QPRT: variants seen among roughly 807,000 people sequenced by gnomAD.
QPRT encodes nicotinate-nucleotide pyrophosphorylase [carboxylating].
A neutral mutation model predicts 19.8 loss-of-function variants in QPRT; 17 were observed. That is an observed-to-expected ratio of 0.86 (90% confidence interval 0.59 to 1.29). The LOEUF (loss-of-function observed/expected upper bound fraction) is 1.29. Ranked by LOEUF, QPRT falls within the 50% of genes most tolerant of loss-of-function variation. The pLI is 0.00. For missense variants in QPRT, 336 were observed against 405.1 expected (o/e 0.83, Z 1.46); for synonymous variants, 178 against 191.0 (o/e 0.93, Z 0.56).
chr16:29,689,101 A>T lies in QPRT; in HGVS notation c.14-5563A>T, dbSNP rs1358739009. 5.4e-5 allele frequency among the ~76,000 whole-genome samples: 8 copies of T among 149,504 alleles called. No individual in the cohort carries two copies. In the East Asian group the frequency reaches 1.6e-3, roughly 30 times the overall value. On this transcript the variant is annotated intron_variant, in intron 1 of 3. Coordinates refer to ENST00000395384, the MANE Select transcript of QPRT (RefSeq NM_014298.6). ...CAGCCTTTTGTTTGTTTTTAAATTT[A>T]ACTTTTTTTTTGAGACCGAATTGCA...
intron 1 of QPRT, 147 bp downstream of exon 1, chr16:29,679,357 T>C: frequency 1.7e-6 from 1 of 586,844 alleles, no homozygotes; most frequent in Non-Finnish European, 3.1e-6. Context: ...ACCTACCCCA[T>C]GTCCCTGCAG....
At chr16:29,689,986 G>A (rs1389998863) in intron 1 of QPRT, among the ~76,000 whole-genome samples, 1 of 152,068 alleles carries the variant, frequency 6.6e-6, no homozygotes, top group Non-Finnish European at 1.5e-5. Flanking sequence ...GTGTCTGAGG[G>A]GTTTTGTCCA....
rs140872647 is a variant in QPRT, at chr16:29,694,653, C to CT, written c.14-9dup. On this transcript the variant is annotated splice_polypyrimidine_tract_variant and intron_variant, in intron 1 of 3. Transcript: ENST00000395384. ...CAGCCAAACTCAACAGCTGTTCTCT[C>CT]TTCCCCCCAGGCCTGGCGCTGCTGC... 273,783 of 1,524,334 alleles carry CT rather than the reference C, an allele frequency of 0.18. 25,459 individuals carry two copies. The highest frequency in any genetic ancestry group is 0.19 in the South Asian group (14,764 of 76,644). 94.4% of individuals were successfully genotyped at this position (1,524,334 alleles called of 1,614,324 possible). A position where few individuals can be genotyped will look rare whatever the true frequency, so the allele number is the denominator to read the frequency against.
At chr16:29,679,959 CTTTT>C (rs1267778902) in intron 1 of QPRT, among the ~76,000 whole-genome samples, 4 of 134,466 alleles carry the variant, frequency 3.0e-5, no homozygotes, top group African/African-American at 2.8e-5. Context: ...CTAAGATAAT[CTTTT>C]TTTTTTTTTT....
chr16:29,692,067 T>C lies in QPRT; in HGVS notation c.14-2597T>C, dbSNP rs535351287. 3.3e-5 allele frequency among the ~76,000 whole-genome samples: 5 copies of C among 152,306 alleles called. No homozygotes were observed. The South Asian group carries it at 1.0e-3, about 32-fold the overall frequency. ...CTAAATCAAACACCCTCGCTGGCTC[T>C]GTGTTCCCCTCAAGGGGAAGCCAAC... On this transcript the variant is annotated intron_variant, in intron 1 of 3. Transcript: ENST00000395384.
At chr16:29,696,803 A>C in intron 2 of QPRT, 193 bp from the exon 3 acceptor site, 1 of 612,534 alleles carries the variant, frequency 1.6e-6, no homozygotes, top group Non-Finnish European at 2.7e-6. Context: ...AAGCAAAAAC[A>C]ACCCCAAAGT....
rs926186077 is a variant in QPRT at position 29,697,263 on chromosome 16, G to C, written c.746G>C (p.Gly249Ala). 1.5e-5 allele frequency: 24 copies of C among 1,613,932 alleles called. No homozygotes were observed. Among genetic ancestry groups the C allele is most frequent in the African/African-American group, 2.7e-5 (2 of 74,934 alleles). Residue 249 changes from glycine (G) to alanine (A), a missense_variant, in exon 4 of 4, where the codon GGG becomes GCG. Physicochemically the swap from Gly to Ala is moderately conservative, Grantham distance 60. Transcript: ENST00000395384. The surrounding 1 kb of genome is among the most constrained non-coding windows in gnomAD (Gnocchi z 4.4). ...QFPSVAVEAS[G>A]GITLDNLPQF... ...CCGAGTGTGGCTGTGGAAGCCAGTGGGGGCATCACCCTGGACAACCTCCCC... is the reference window on the plus strand; with the variant it reads ...CCGAGTGTGGCTGTGGAAGCCAGTGCGGGCATCACCCTGGACAACCTCCCC...
intron 1 of QPRT, among the ~76,000 whole-genome samples, chr16:29,689,665 G>C (rs1262239130): frequency 6.6e-6 from 1 of 152,086 alleles, no homozygotes; most frequent in Non-Finnish European, 1.5e-5. Flanking sequence ...AGGCCTGGGC[G>C]TGCCTGACCT....
chr16:29,694,312 G>A (rs1391923129), intron 1 of QPRT, among the ~76,000 whole-genome samples: 3 of 151,742 alleles, frequency 2.0e-5, no homozygotes, highest in African/African-American at 7.3e-5. Flanking sequence ...GTAGAGACGG[G>A]GTTTCACCAT....
intron 1 of QPRT, among the ~76,000 whole-genome samples, chr16:29,688,969 C>T (rs1189801841): frequency 6.7e-6 from 1 of 149,460 alleles, no homozygotes; most frequent in East Asian, 2.0e-4. Context: ...TTAGGAGAGA[C>T]GGGGTTTCAT....
At chr16:29,681,092 C>G (rs549127048) in intron 1 of QPRT, among the ~76,000 whole-genome samples, 1 of 152,024 alleles carries the variant, frequency 6.6e-6, no homozygotes, top group Non-Finnish European at 1.5e-5. Context: ...AACCAGCTCT[C>G]AGGGGTCCCA....
chr16:29,679,073 T>C (rs970093322), upstream of QPRT: 1 of 1,565,476 alleles, frequency 6.4e-7, no homozygotes, highest in Non-Finnish European at 8.8e-7. Flanking sequence ...TTGGGGAGCC[T>C]GGGAAGGGCC....
intron 1 of QPRT, among the ~76,000 whole-genome samples, chr16:29,687,302 ATG>A (rs1967191422): frequency 6.6e-6 from 1 of 152,074 alleles, no homozygotes; most frequent in African/African-American, 2.4e-5. Flanking sequence ...AACCATATAA[ATG>A]TGCTGCTTTT....
In QPRT at chr16:29,686,921, T is replaced by C. The variant is rs145783463; in HGVS notation, c.13+7711T>C. ...CATTTTTCACTGATTCTCTGACACA[T>C]CCTCATTGAGCACCTGCACTGTGTG... On this transcript the variant is annotated intron_variant, in intron 1 of 3. Coordinates refer to ENST00000395384, the MANE Select transcript of QPRT (RefSeq NM_014298.6). Among the ~76,000 whole-genome samples the C allele has an allele frequency of 2.6e-5, 4 of 152,356 alleles. No homozygotes were observed. The East Asian group carries it at 5.8e-4, about 22-fold the overall frequency.
In QPRT at chr16:29,694,946, TGGGGGAACG is replaced by T; in HGVS notation, c.299_307del (p.Gly100_Arg102del). On this transcript the variant is annotated inframe_deletion, in exon 2 of 4. Transcript: ENST00000395384. ...CGGGGCCCTGCCCACTGCCTGCTGC[TGGGGGAACG>T]GGTGGCCCTCAACACGCTGGCCCGC... 1 of 1,611,932 alleles carries T rather than the reference TGGGGGAACG, an allele frequency of 6.2e-7. No homozygotes were observed. Among genetic ancestry groups the T allele is most frequent in the Non-Finnish European group, 8.5e-7 (1 of 1,179,706 alleles).
chr16:29,691,364 CAAAAAAAAAAAAAA>C (rs537664108), intron 1 of QPRT, among the ~76,000 whole-genome samples: 10 of 51,876 alleles, frequency 1.9e-4, no homozygotes, highest in Admixed American at 6.1e-4. Context: ...AGCTCTGCAT[CAAAAAAAAAAAAAA>C]AAAAAAAAAA....
chr16:29,679,923 T>A (rs1966942423), intron 1 of QPRT, among the ~76,000 whole-genome samples: 1 of 152,038 alleles, frequency 6.6e-6, no homozygotes. Flanking sequence ...TGAATTTCCT[T>A]TAAGCTCAAA....
chr16:29,679,183 C>G lies in QPRT; in HGVS notation c.-15C>G. The G allele has an allele frequency of 6.2e-7, 1 of 1,613,764 alleles. No homozygotes were observed. Among genetic ancestry groups the G allele is most frequent in the Non-Finnish European group, 8.5e-7 (1 of 1,179,770 alleles). Reference sequence around the variant, plus strand: ...TGAGCAGCCAACACACCAGCCCAGACAGCTGCAAGTCACCATGGACGCTGA... The same window carrying G: ...TGAGCAGCCAACACACCAGCCCAGAGAGCTGCAAGTCACCATGGACGCTGA... On this transcript the variant is annotated 5_prime_UTR_variant, in exon 1 of 4. Coordinates refer to ENST00000395384, the MANE Select transcript of QPRT (RefSeq NM_014298.6).
chr16:29,697,631 CA>C lies in QPRT; in HGVS notation c.*222del, dbSNP rs1214687074. The C allele has an allele frequency of 1.6e-5, 9 of 579,470 alleles. No individual in the cohort carries two copies. Among genetic ancestry groups the C allele is most frequent in the African/African-American group, 3.7e-5 (2 of 53,378 alleles). 35.9% of individuals were successfully genotyped at this position (579,470 alleles called of 1,614,324 possible). A position where few individuals can be genotyped will look rare whatever the true frequency, so the allele number is the denominator to read the frequency against. On this transcript the variant is annotated 3_prime_UTR_variant, in exon 4 of 4. Transcript: ENST00000395384. The surrounding 1 kb of genome is among the most constrained non-coding windows in gnomAD (Gnocchi z 4.4). ...CTGTAAAATGGGTCTAATAAAGGAT[CA>C]ACCACATGGGGTTCTGCGGTGATAA...
Sources: gnomAD v4.1 joint callset for allele counts (sites outside exome capture counted in the v4.1 genomes callset) on GRCh38, gnomAD v4.1.1 for gene constraint, Gnocchi (gnomAD v3.1) non-coding constraint, MANE v1.5 for transcripts, NCBI Gene and HGNC (gene_info 2026-07-23, HGNC 2026-07-21) for gene names.